SORCS2: variants seen among roughly 807,000 people sequenced by gnomAD.
The protein encoded by SORCS2 is sortilin related VPS10 domain containing receptor 2.
In SORCS2, 100 loss-of-function variants were observed where a neutral mutation model predicts 141.6. The observed-to-expected ratio is 0.71, with a 90% confidence interval of 0.60 to 0.83. The LOEUF (loss-of-function observed/expected upper bound fraction) is 0.83. Among genes scored for constraint, SORCS2 ranks in the 40% least tolerant of loss-of-function variants. SORCS2 has a pLI of 0.00. For missense variants in SORCS2, 1,646 were observed against 1,560.2 expected (o/e 1.05, Z -0.93); for synonymous variants, 789 against 676.9 (o/e 1.17, Z -2.57).
intron 2 of SORCS2, chr4:7,434,151 G>C: frequency 1.9e-6 from 3 of 1,613,930 alleles, no homozygotes; most frequent in African/African-American, 1.3e-5. Flanking sequence ...GCTCCTGCGG[G>C]GGGAGAAGCC....
chr4:7,704,582 G>A (rs1725297127), intron 14 of SORCS2, among the ~76,000 whole-genome samples: 1 of 152,228 alleles, frequency 6.6e-6, no homozygotes, highest in Non-Finnish European at 1.5e-5. Flanking sequence ...GATCATCATA[G>A]GGCAGAGCTG....
chr4:7,561,573 A>C (rs879709975), intron 3 of SORCS2, among the ~76,000 whole-genome samples: 3,095 of 122,438 alleles, frequency 0.025, 136 homozygotes, highest in African/African-American at 0.097. Context: ...TCTACCTACC[A>C]ATCCATCTAT....
At chr4:7,646,594 C>T (rs773902571) in intron 4 of SORCS2, among the ~76,000 whole-genome samples, 1 of 152,068 alleles carries the variant, frequency 6.6e-6, no homozygotes, top group Non-Finnish European at 1.5e-5. Flanking sequence ...TGCACCACTG[C>T]ATTCCAGCCT....
intron 2 of SORCS2, among the ~76,000 whole-genome samples, chr4:7,467,947 G>T (rs1250404103): frequency 6.6e-6 from 1 of 152,208 alleles, no homozygotes; most frequent in Non-Finnish European, 1.5e-5. Context: ...GTTTGAGTGG[G>T]CTCCTGCCCA....
intron 3 of SORCS2, among the ~76,000 whole-genome samples, chr4:7,612,907 G>GAAGAAGGGTTGGGGGAGGGGAAC (rs1718509615): frequency 3.3e-5 from 5 of 152,050 alleles, no homozygotes; most frequent in Non-Finnish European, 7.4e-5. Context: ...AGGGGAACAA[G>GAAGAAGGGTTGGGGGAGGGGAAC]AAGAAGGGCT....
intron 14 of SORCS2, among the ~76,000 whole-genome samples, chr4:7,707,572 G>C (rs898070735): frequency 6.6e-6 from 1 of 152,200 alleles, no homozygotes; most frequent in African/African-American, 2.4e-5. Context: ...CCTGCCACCA[G>C]GCCTGGGCTG....
chr4:7,740,441 GCCCACGGGACC>G lies in SORCS2; in HGVS notation c.*181_*191del. 1.6e-6 allele frequency: 1 copy of G among 616,738 alleles called. No individual in the cohort carries two copies. Among genetic ancestry groups the G allele is most frequent in the Middle Eastern group, 4.4e-4 (1 of 2,292 alleles). The allele number at this position is 616,738 out of a possible 1,614,324, so 38.2% of individuals were successfully genotyped here. On this transcript the variant is annotated 3_prime_UTR_variant, in exon 27 of 27. Transcript: ENST00000507866. ...CCAAGCCCGCCCAGGCCCACGGGGGGCCCACGGGACCCCCCGGGACTCCCCGGACATGGCCC... is the reference window on the plus strand; with the variant it reads ...CCAAGCCCGCCCAGGCCCACGGGGGGCCCCGGGACTCCCCGGACATGGCCC...
rs551864777 is a variant in SORCS2 at position 7,302,417 on chromosome 4, G to C, written c.481-93871G>C. 1.3e-4 allele frequency among the ~76,000 whole-genome samples: 20 copies of C among 152,308 alleles called. No homozygotes were observed. The South Asian group carries it at 3.7e-3, about 28-fold the overall frequency. On this transcript the variant is annotated intron_variant, in intron 1 of 26. Transcript: ENST00000507866. ...ATGGCTGTGGGCACACTCCTGCCTC[G>C]GGGCCTTTGTACTTGCCACTTCGTC...
At chr4:7,421,094 C>T (rs1726013059) in intron 2 of SORCS2, among the ~76,000 whole-genome samples, 7 of 152,274 alleles carry the variant, frequency 4.6e-5, no homozygotes, top group East Asian at 1.9e-4. Flanking sequence ...AGGGCTGTTT[C>T]GCTCCATCCC....
chr4:7,619,532 G>C (rs1719009240), intron 3 of SORCS2, among the ~76,000 whole-genome samples: 1 of 152,134 alleles, frequency 6.6e-6, no homozygotes, highest in South Asian at 2.1e-4. Context: ...AGATGTGCAG[G>C]GTCTTCTGCC....
chr4:7,571,639 G>A (rs112979940), intron 3 of SORCS2, among the ~76,000 whole-genome samples: 1 of 152,034 alleles, frequency 6.6e-6, no homozygotes, highest in South Asian at 2.1e-4. Flanking sequence ...AAGTGGAGGA[G>A]GGCTGAGGCA....
intron 3 of SORCS2, among the ~76,000 whole-genome samples, chr4:7,544,055 CCCACCCATCCAT>C (rs560462808): frequency 0.11 from 15,291 of 139,300 alleles, 994 homozygotes; most frequent in African/African-American, 0.13. Flanking sequence ...CATCCAGCCA[CCCACCCATCCAT>C]CCACCCATCC....
At chr4:7,369,034 T>C (rs1030871485) in intron 1 of SORCS2, among the ~76,000 whole-genome samples, 13 of 152,146 alleles carry the variant, frequency 8.5e-5, no homozygotes, top group Non-Finnish European at 1.3e-4. Context: ...TAGGCTGGTG[T>C]GGTGGCTCAC....
intron 8 of SORCS2, among the ~76,000 whole-genome samples, chr4:7,667,709 T>C (rs1478172599): frequency 6.6e-6 from 1 of 152,178 alleles, no homozygotes; most frequent in East Asian, 1.9e-4. Context: ...TGGCATATAG[T>C]AGGTGCTCAG....
At chr4:7,392,385 C>G (rs950718740) in intron 1 of SORCS2, among the ~76,000 whole-genome samples, 7 of 152,264 alleles carry the variant, frequency 4.6e-5, no homozygotes, top group Non-Finnish European at 1.0e-4. Flanking sequence ...TGGGACTGGG[C>G]CTGAAGGACA....
intron 3 of SORCS2, among the ~76,000 whole-genome samples, chr4:7,536,210 A>G (rs938408640): frequency 3.3e-5 from 5 of 152,158 alleles, no homozygotes; most frequent in African/African-American, 1.2e-4. Flanking sequence ...AACTGTAGGC[A>G]AGTTCCTAAT....
At chr4:7,684,807 G>A (rs111998267) in intron 10 of SORCS2, among the ~76,000 whole-genome samples, 4 of 152,204 alleles carry the variant, frequency 2.6e-5, no homozygotes, top group East Asian at 1.9e-4. Context: ...AGAAAATGGT[G>A]AGCCCCCTCC....
Position 7,401,156 on chromosome 4 carries a change from C to A in SORCS2, c.548+4801C>A, listed in dbSNP as rs574843617. 8.2e-4 allele frequency among the ~76,000 whole-genome samples: 117 copies of A among 143,244 alleles called. 2 individuals carry two copies. The highest frequency in any genetic ancestry group is 2.4e-3 in the African/African-American group (90 of 38,250). 94.0% of individuals were successfully genotyped at this position (143,244 alleles called of 152,430 possible). A position where few individuals can be genotyped will look rare whatever the true frequency, so the allele number is the denominator to read the frequency against. ...ATAGATGGATGGACTGATAGATGGA[C>A]AGATGGATGAGTGGATTGATGGATG... On this transcript the variant is annotated intron_variant, in intron 2 of 26. Coordinates refer to ENST00000507866, the MANE Select transcript of SORCS2 (RefSeq NM_020777.3).
intron 3 of SORCS2, among the ~76,000 whole-genome samples, chr4:7,577,276 T>TGGTGGGGAGACAGGTGAAGGCA (rs1357774494): frequency 6.6e-6 from 1 of 152,182 alleles, no homozygotes; most frequent in African/African-American, 2.4e-5. Context: ...ACCAGTTCCC[T>TGGTGGGGAGACAGGTGAAGGCA]GGTGGGGAGA....
Sources: allele counts gnomAD v4.1 joint callset (sites outside exome capture counted in the v4.1 genomes callset), GRCh38; gene constraint gnomAD v4.1.1; transcripts MANE v1.5; gene names NCBI Gene and HGNC (gene_info 2026-07-23, HGNC 2026-07-21).